The following KCTD17 variants were observed in gnomAD, a reference collection of about 807,000 sequenced individuals.
KCTD17 encodes potassium channel tetramerization domain containing 17.
A neutral mutation model predicts 41.5 loss-of-function variants in KCTD17; 20 were observed. The observed-to-expected ratio is 0.48, with a 90% CI of 0.34 to 0.70. The LOEUF is 0.70. Ranked by LOEUF, KCTD17 falls within the 30% of genes least tolerant of loss-of-function variation. The pLI is 0.01. For missense variants in KCTD17, 317 were observed against 427.2 expected, an observed-to-expected ratio of 0.74 and a Z score of 2.27; for synonymous variants, 156 against 173.8, an observed-to-expected ratio of 0.90 and a Z score of 0.80.
chr22:37,058,412 C>T (rs944957329), intron 4 of KCTD17, among the ~76,000 whole-genome samples: 3 of 152,224 alleles, frequency 2.0e-5, no homozygotes, highest in African/African-American at 7.2e-5. Flanking sequence ...ACAGTACCTC[C>T]TCTGTAGGAC....
In KCTD17 at chr22:37,051,797, G is replaced by A. The variant is rs1924506355; in HGVS notation, c.37G>A (p.Gly13Arg). The A allele has an allele frequency of 7.9e-7, 1 of 1,261,840 alleles. No homozygotes were observed. The highest frequency in any genetic ancestry group is 1.6e-5 in the African/African-American group (1 of 64,448). The allele number at this position is 1,261,840 out of a possible 1,614,324, so 78.2% of individuals were successfully genotyped here. A position where few individuals can be genotyped will look rare whatever the true frequency, so the allele number is the denominator to read the frequency against. Residue 13 changes from glycine to arginine, a missense_variant, in exon 1 of 9, where the codon GGG becomes AGG. This residue lies in a region of KCTD17 where 99 missense variants were observed against 166.5 expected (regional missense o/e 0.59). Transcript: ENST00000403888. ...MEAGEAAPPA[G>R]AGGRAAGGWG... ...GGCCGGGGAGGCAGCGCCGCCGGCG[G>A]GGGCGGGCGGCCGCGCCGCAGGCGG...
chr22:37,057,949 G>A (rs1429388497), intron 4 of KCTD17, among the ~76,000 whole-genome samples: 1 of 152,230 alleles, frequency 6.6e-6, no homozygotes, highest in Non-Finnish European at 1.5e-5. Flanking sequence ...CATGCCCAGT[G>A]GCCAGCATTG....
Position 37,062,778 on chromosome 22 carries a change from C to T in KCTD17, c.*184C>T, listed in dbSNP as rs1925948329. Reference sequence around the variant, plus strand: ...CCCCAGGACCTCTGGGCAGAGTGGACTGCTCATGGCAGATGTGTGGCAATG... The same window carrying T: ...CCCCAGGACCTCTGGGCAGAGTGGATTGCTCATGGCAGATGTGTGGCAATG... On this transcript the variant is annotated 3_prime_UTR_variant, in exon 9 of 9. Coordinates refer to ENST00000403888, the MANE Select transcript of KCTD17 (RefSeq NM_001282684.2). The T allele has an allele frequency of 2.3e-6, 3 of 1,312,122 alleles. No homozygotes were observed. The African/African-American group carries it at 4.5e-5, about 20-fold the overall frequency. The allele number at this position is 1,312,122 out of a possible 1,614,324, so 81.3% of individuals were successfully genotyped here. A position where few individuals can be genotyped will look rare whatever the true frequency, so the allele number is the denominator to read the frequency against.
chr22:37,053,123 T>C lies in KCTD17; in HGVS notation c.213T>C (p.Ile71=). ...AGGATGAGACCGGGGCCTACCTCAT[T>C]GACCGTGACCCCACCTACTTCGGGC... ...SDRDETGAYL[I]DRDPTYFGPI... The change falls in exon 2 of 9, where the codon ATT becomes ATC. Residue 71 remains isoleucine (I), a synonymous_variant. Transcript: ENST00000403888. The surrounding 1 kb of genome is among the most constrained non-coding windows in gnomAD (Gnocchi z 4.1). The C allele has an allele frequency of 6.3e-7, 1 of 1,596,984 alleles. No individual in the cohort carries two copies. Among genetic ancestry groups the C allele is most frequent in the Non-Finnish European group, 8.5e-7 (1 of 1,171,970 alleles).
intron 5 of KCTD17, among the ~76,000 whole-genome samples, chr22:37,060,152 C>T (rs936211955): frequency 6.6e-6 from 1 of 152,198 alleles, no homozygotes; most frequent in African/African-American, 2.4e-5. Flanking sequence ...CAAGGGCCTT[C>T]GCAGAGCCAC....
At chr22:37,054,492 G>T (rs1924864995) in intron 2 of KCTD17, among the ~76,000 whole-genome samples, 1 of 151,930 alleles carries the variant, frequency 6.6e-6, no homozygotes, top group South Asian at 2.1e-4. Flanking sequence ...CTATCCGGGG[G>T]CTAGGGGATC....
chr22:37,052,836 G>C (rs115868224), intron 1 of KCTD17, among the ~76,000 whole-genome samples: 3 of 152,306 alleles, frequency 2.0e-5, no homozygotes, highest in Admixed American at 1.3e-4. Flanking sequence ...TCCTCTCACC[G>C]GATGCTCACA....
rs1421271971 is a variant in KCTD17, at chr22:37,053,874, G to A, written c.298+666G>A. 2.0e-5 allele frequency among the ~76,000 whole-genome samples: 3 copies of A among 152,194 alleles called. No individual in the cohort carries two copies. Among genetic ancestry groups the A allele is most frequent in the African/African-American group, 2.4e-5 (1 of 41,438 alleles). On this transcript the variant is annotated intron_variant, in intron 2 of 8. Transcript: ENST00000403888. The surrounding 1 kb of genome is among the most constrained non-coding windows in gnomAD (Gnocchi z 4.1). ...ACCTGTTAGCAGAGCTGCAGCCAGG[G>A]GCAAGGACTACAGTCAGTGCCAAGT...
At chr22:37,059,486 C>T (rs1340374021) in intron 5 of KCTD17, 48 bp downstream of exon 5, 3 of 1,562,040 alleles carry the variant, frequency 1.9e-6, no homozygotes, top group East Asian at 4.5e-5. Context: ...TCCTGTCTCC[C>T]TCCACCCTCC....
In KCTD17 at chr22:37,062,658, CG is replaced by C. The variant is rs1473361437; in HGVS notation, c.*66del. On this transcript the variant is annotated 3_prime_UTR_variant, in exon 9 of 9. Coordinates refer to ENST00000403888, the MANE Select transcript of KCTD17 (RefSeq NM_001282684.2). Reference sequence around the variant, plus strand: ...TGAGAAGGAAGAAGCACCCTCTCCCCGGCCTCCTCTGTCTGCACCCGTGGGG... The same window carrying C: ...TGAGAAGGAAGAAGCACCCTCTCCCCGCCTCCTCTGTCTGCACCCGTGGGG... The C allele has an allele frequency of 1.3e-6, 2 of 1,566,396 alleles. No homozygotes were observed. The highest frequency in any genetic ancestry group is 1.7e-6 in the Non-Finnish European group (2 of 1,155,284).
rs1183324700 is a variant in KCTD17 at position 37,054,411 on chromosome 22, GGATCACACAGGGCTATCTGGGGGCTAGGA to G, written c.298+1221_298+1249del. On this transcript the variant is annotated intron_variant, in intron 2 of 8. Coordinates refer to ENST00000403888, the MANE Select transcript of KCTD17 (RefSeq NM_001282684.2). ...CAGACAGGGTTATCTGGGGGCTAGG[GGATCACACAGGGCTATCTGGGGGCTAGGA>G]GATCACACAGGGCTATCCGGAGGCT... is the stretch of plus-strand genomic sequence containing the variant. 1.4e-3 allele frequency among the ~76,000 whole-genome samples: 207 copies of G among 149,238 alleles called. 1 individual carries two copies. Among genetic ancestry groups the G allele is most frequent in the African/African-American group, 3.7e-3 (145 of 38,742 alleles).
Position 37,061,230 on chromosome 22 carries a change from G to A in KCTD17, c.784+55G>A. 6.5e-7 allele frequency: 1 copy of A among 1,548,480 alleles called. No homozygotes were observed. On this transcript the variant is annotated intron_variant, in intron 7 of 8. Transcript: ENST00000403888. The surrounding 1 kb of genome is among the most constrained non-coding windows in gnomAD (Gnocchi z 6.6). ...TCCTCCTGGATCTCATCTGCACCCT[G>A]CCTCTTCCCTCTCTGCCCCTGTCCG...
In KCTD17 at chr22:37,061,898, G is replaced by A; in HGVS notation, c.875+269G>A. On this transcript the variant is annotated intron_variant, in intron 8 of 8. Transcript: ENST00000403888. This position sits in a 1 kb window ranked among gnomAD's most constrained non-coding sequence, Gnocchi z 6.6. The stretch of plus-strand genomic sequence containing the variant: ...TGGCCAAGTCCCTGCACATCCAGGA[G>A]CTCCTGTGTCACTGCCTTGTGGCAT... 3.0e-6 allele frequency: 3 copies of A among 985,432 alleles called. No homozygotes were observed. Among genetic ancestry groups the A allele is most frequent in the Non-Finnish European group, 3.6e-6 (3 of 829,920 alleles). The allele number at this position is 985,432 out of a possible 1,614,324, so 61.0% of individuals were successfully genotyped here.
In KCTD17 at chr22:37,060,913, C is replaced by G. The variant is rs1280120942; in HGVS notation, c.703C>G (p.Gln235Glu). Residue 235 changes from glutamine to glutamate, a missense_variant, in exon 6 of 9, where the codon CAG becomes GAG. Physicochemically the swap from Gln to Glu is conservative, Grantham distance 29. Transcript: ENST00000403888. ...VEQVQVEADA[Q>E]EKAQSSQDPA... The stretch of plus-strand genomic sequence containing the variant: ...ACAGGTGCAGGTGGAGGCAGATGCA[C>G]AGGAGAAAGGTGCAGCCAACCCCCA... The G allele has an allele frequency of 2.6e-6, 4 of 1,542,038 alleles. No homozygotes were observed. Among genetic ancestry groups the G allele is most frequent in the Non-Finnish European group, 3.5e-6 (4 of 1,142,086 alleles).
At chr22:37,060,706 C>G (rs1925674945) in intron 5 of KCTD17, 117 bp from the exon 6 acceptor site, 1 of 1,388,796 alleles carries the variant, frequency 7.2e-7, no homozygotes, top group Non-Finnish European at 9.4e-7. Flanking sequence ...GCCCTCCCCT[C>G]TCCTGAGGTC....
Position 37,061,665 on chromosome 22 carries a change from G to T in KCTD17, c.875+36G>T, listed in dbSNP as rs1232238991. 1 of 1,563,410 alleles carries T rather than the reference G, an allele frequency of 6.4e-7. No individual in the cohort carries two copies. Among genetic ancestry groups the T allele is most frequent in the East Asian group, 2.3e-5 (1 of 42,664 alleles). On this transcript the variant is annotated intron_variant, in intron 8 of 8. Transcript: ENST00000403888. The surrounding 1 kb of genome is among the most constrained non-coding windows in gnomAD (Gnocchi z 6.6). ...TGGCGGTGCTGGAGGGAGGGGTGGA[G>T]CGAGGAGGGTGCTCATCTCTTGATC...
At chr22:37,062,012 G>C in intron 8 of KCTD17, 1 of 985,408 alleles carries the variant, frequency 1.0e-6, no homozygotes, top group Non-Finnish European at 1.2e-6. Flanking sequence ...AAGGATTGCA[G>C]AGTGGCAGAA....
chr22:37,062,314 C>T (rs991612662), intron 8 of KCTD17: 1 of 985,086 alleles, frequency 1.0e-6, no homozygotes, highest in Non-Finnish European at 1.2e-6. Context: ...GCCCTTGCTG[C>T]TCCCCCCAAC....
chr22:37,060,027 G>C (rs752912726), intron 5 of KCTD17, among the ~76,000 whole-genome samples: 3 of 152,162 alleles, frequency 2.0e-5, no homozygotes, highest in African/African-American at 7.2e-5. Context: ...CTGTGTGTCC[G>C]CCTGGCCTGT....
Sources: gnomAD v4.1 joint callset for allele counts (sites outside exome capture counted in the v4.1 genomes callset) on GRCh38, gnomAD v4.1.1 for gene constraint, gnomAD v4.1.1 regional missense constraint, Gnocchi (gnomAD v3.1) non-coding constraint, MANE v1.5 for transcripts, NCBI Gene and HGNC (gene_info 2026-07-23, HGNC 2026-07-21) for gene names.